The following SOX5 variants were observed in gnomAD, a reference collection of about 807,000 sequenced individuals.
The protein encoded by SOX5 is SRY-box transcription factor 5.
SOX5 carries 9 observed loss-of-function variants against 92.0 expected under a neutral mutation model. The observed-to-expected ratio is 0.10, with a 90% CI of 0.06 to 0.17. SOX5 has a LOEUF of 0.17. Among genes scored for constraint, SOX5 ranks in the 10% least tolerant of loss-of-function variants. SOX5 has a pLI of 1.00. For missense variants in SOX5, 642 were observed against 944.5 expected (o/e 0.68, Z 4.20); for synonymous variants, 344 against 336.3 (o/e 1.02, Z -0.25).
At chr12:24,299,765 A>C (rs982005643) in intron 2 of SOX5, among the ~76,000 whole-genome samples, 1 of 152,208 alleles carries the variant, frequency 6.6e-6, no homozygotes, top group African/African-American at 2.4e-5. Context: ...TACTACGCCA[A>C]CGAAGTGATC....
intron 4 of SOX5, among the ~76,000 whole-genome samples, chr12:24,072,481 TG>T (rs922941141): frequency 6.6e-6 from 1 of 152,196 alleles, no homozygotes; most frequent in Admixed American, 6.5e-5. Context: ...ACTTGAGACC[TG>T]TTTAGAAGTC....
At chr12:23,579,767 AT>A (rs1949782855) in intron 9 of SOX5, among the ~76,000 whole-genome samples, 1 of 152,104 alleles carries the variant, frequency 6.6e-6, no homozygotes, top group Non-Finnish European at 1.5e-5. Context: ...TAAAACACAC[AT>A]TTAAACATGT....
chr12:24,374,759 C>A (rs1224674583), intron 1 of SOX5, among the ~76,000 whole-genome samples: 1 of 152,134 alleles, frequency 6.6e-6, no homozygotes, highest in Non-Finnish European at 1.5e-5. Flanking sequence ...AACTCAAGGA[C>A]CAGCATGAAT....
chr12:24,332,133 T>C (rs1046298765), intron 2 of SOX5, among the ~76,000 whole-genome samples: 2 of 152,004 alleles, frequency 1.3e-5, no homozygotes, highest in Non-Finnish European at 1.5e-5. Flanking sequence ...ATAAATCTTA[T>C]GAATGAAAAA....
chr12:23,576,014 A>C (rs780557951), intron 9 of SOX5, among the ~76,000 whole-genome samples, 176 bp from the exon 10 acceptor site: 1 of 152,368 alleles, frequency 6.6e-6, no homozygotes, highest in African/African-American at 2.4e-5. Context: ...GCCTCCTTCA[A>C]CTATACATTC....
intron 1 of SOX5, among the ~76,000 whole-genome samples, chr12:24,383,186 G>C (rs1260076264): frequency 2.0e-5 from 3 of 152,130 alleles, no homozygotes; most frequent in Admixed American, 6.5e-5. Context: ...CCTAACAGCT[G>C]GGATTATAGG....
In SOX5 at chr12:24,108,670, T is replaced by A. The variant is rs182844084; in HGVS notation, c.-2+104673A>T. Among the ~76,000 whole-genome samples the A allele has an allele frequency of 1.5e-3, 222 of 152,266 alleles. 3 individuals are homozygous for A. Among genetic ancestry groups the A allele is most frequent in the East Asian group, 4.0e-3 (21 of 5,192 alleles). On this transcript the variant is annotated intron_variant, in intron 4 of 4. Coordinates refer to the SOX5 transcript ENST00000446891. ...ATATTTTATCTGGCCTTTCATAATA[T>A]CAGAAAAATTCTCAAACATGACTCT...
At chr12:23,765,068 T>C (rs951122186) in intron 3 of SOX5, among the ~76,000 whole-genome samples, 1 of 152,166 alleles carries the variant, frequency 6.6e-6, no homozygotes, top group East Asian at 1.9e-4. Flanking sequence ...TTCTAATACA[T>C]AGAATCAGAT....
intron 4 of SOX5, among the ~76,000 whole-genome samples, chr12:23,983,491 A>G (rs1008973147): frequency 1.3e-5 from 2 of 152,184 alleles, no homozygotes; most frequent in African/African-American, 2.4e-5. Context: ...AGTTGCAGAA[A>G]AGGGAATTAC....
chr12:24,235,001 A>G (rs1964165803), intron 3 of SOX5, among the ~76,000 whole-genome samples: 2 of 152,248 alleles, frequency 1.3e-5, no homozygotes, highest in South Asian at 4.1e-4. Context: ...TGAGGATGAC[A>G]GAACCCTGCA....
At chr12:24,392,236 C>G (rs1959064914) in intron 1 of SOX5, among the ~76,000 whole-genome samples, 1 of 152,140 alleles carries the variant, frequency 6.6e-6, no homozygotes, top group Non-Finnish European at 1.5e-5. Context: ...GTCTTATCCT[C>G]CAGTCTGTCT....
intron 2 of SOX5, among the ~76,000 whole-genome samples, chr12:24,317,615 T>TA (rs1329273192): frequency 6.6e-6 from 1 of 152,170 alleles, no homozygotes; most frequent in Non-Finnish European, 1.5e-5. Context: ...TCAACTCCCA[T>TA]AGTTTCCTTC....
At position 24,235,915 on chromosome 12, in the gene SOX5, T is replaced by A. The variant is rs6487380; in HGVS notation, c.-76-22498A>T. ...AGTAATAAAGAAGTAACAGGCTGGG[T>A]GTGGTGGCTCACGCCTGTAATCCCA... is the stretch of plus-strand genomic sequence containing the variant. On this transcript the variant is annotated intron_variant, in intron 3 of 4. Coordinates refer to the SOX5 transcript ENST00000446891. Among the ~76,000 whole-genome samples, 711 of 151,948 alleles carry A rather than the reference T, an allele frequency of 4.7e-3. 1 individual carries two copies. The highest frequency in any genetic ancestry group is 7.7e-3 in the Non-Finnish European group (525 of 67,934).
chr12:23,628,130 GT>G (rs2078073932), intron 8 of SOX5, among the ~76,000 whole-genome samples: 1 of 151,820 alleles, frequency 6.6e-6, no homozygotes, highest in South Asian at 2.1e-4. Flanking sequence ...AACTTTTTTT[GT>G]TGTTGTTTGG....
upstream of SOX5, among the ~76,000 whole-genome samples, chr12:23,954,665 C>G (rs1184159634): frequency 6.6e-6 from 1 of 151,912 alleles, no homozygotes; most frequent in East Asian, 1.9e-4. Context: ...TTCAGTCCAC[C>G]ATAATACATG....
intron 4 of SOX5, among the ~76,000 whole-genome samples, chr12:24,159,930 C>G (rs1344789705): frequency 3.3e-5 from 5 of 151,898 alleles, no homozygotes; most frequent in African/African-American, 1.2e-4. Flanking sequence ...TATTTTTAAC[C>G]AGGATGTGCC....
At chr12:24,047,120 AG>A (rs1198070544) in intron 4 of SOX5, among the ~76,000 whole-genome samples, 1 of 152,206 alleles carries the variant, frequency 6.6e-6, no homozygotes, top group Non-Finnish European at 1.5e-5. Flanking sequence ...AGAATTTCAA[AG>A]AGACAGTAGG....
At chr12:23,804,269 G>A (rs971046747) in intron 3 of SOX5, among the ~76,000 whole-genome samples, 9 of 152,026 alleles carry the variant, frequency 5.9e-5, no homozygotes, top group Admixed American at 3.9e-4. Flanking sequence ...GAGGTTAACT[G>A]ATCACACTAT....
intron 4 of SOX5, among the ~76,000 whole-genome samples, chr12:24,151,566 AG>A (rs1282845495): frequency 6.6e-6 from 1 of 152,054 alleles, no homozygotes; most frequent in Non-Finnish European, 1.5e-5. Flanking sequence ...ATAATGTGTG[AG>A]GTTTTTTTTT....
Sources: gnomAD v4.1 joint callset for allele counts (sites outside exome capture counted in the v4.1 genomes callset) on GRCh38, gnomAD v4.1.1 for gene constraint, MANE v1.5 for transcripts, NCBI Gene and HGNC (gene_info 2026-07-23, HGNC 2026-07-21) for gene names.